The following BACH2 variants were observed in gnomAD, a reference collection of about 807,000 sequenced individuals.
BACH2 encodes the protein BACH transcriptional regulator 2.
A neutral mutation model predicts 61.8 loss-of-function variants in BACH2; 5 were observed. That is an observed-to-expected ratio of 0.08 (90% confidence interval 0.04 to 0.17). BACH2 has a LOEUF of 0.17. Among genes scored for constraint, BACH2 ranks in the 10% least tolerant of loss-of-function variants. BACH2 has a pLI of 1.00. For synonymous variants in BACH2, 446 were observed against 440.1 expected, an observed-to-expected ratio of 1.01 and a Z score of -0.17; for missense variants, 824 against 1,091.1, an observed-to-expected ratio of 0.76 and a Z score of 3.45.
chr6:90,181,501 C>T (rs1329048613), intron 4 of BACH2, among the ~76,000 whole-genome samples: 1 of 151,638 alleles, frequency 6.6e-6, no homozygotes, highest in African/African-American at 2.4e-5. Context: ...AGTGTATATG[C>T]TATTATCACA....
At chr6:90,214,394 A>G (rs1769458742) in intron 3 of BACH2, among the ~76,000 whole-genome samples, 1 of 151,996 alleles carries the variant, frequency 6.6e-6, no homozygotes, top group East Asian at 1.9e-4. Context: ...AGGCAAACAT[A>G]TTTCCTATGA....
chr6:90,067,763 C>T (rs1331559483), intron 5 of BACH2, among the ~76,000 whole-genome samples: 1 of 152,176 alleles, frequency 6.6e-6, no homozygotes, highest in Non-Finnish European at 1.5e-5. Context: ...GTGCACAAGA[C>T]ATGGTTGCTT....
chr6:90,009,105 C>T (rs180757230), intron 5 of BACH2, among the ~76,000 whole-genome samples: 2 of 152,232 alleles, frequency 1.3e-5, no homozygotes, highest in South Asian at 2.1e-4. Flanking sequence ...ATTCTTTTAC[C>T]CCATGGTAAC....
At chr6:90,200,773 C>T (rs1462005331) in intron 4 of BACH2, among the ~76,000 whole-genome samples, 3 of 152,172 alleles carry the variant, frequency 2.0e-5, no homozygotes, top group South Asian at 2.1e-4. Context: ...AATAGCCTTC[C>T]GGTCTTTTTA....
intron 4 of BACH2, among the ~76,000 whole-genome samples, chr6:90,175,446 T>G (rs1767954296): frequency 6.6e-6 from 1 of 152,134 alleles, no homozygotes; most frequent in South Asian, 2.1e-4. Flanking sequence ...AACAATTAAC[T>G]GGTAAGGAAA....
At chr6:90,238,365 G>A (rs928211169) in intron 3 of BACH2, among the ~76,000 whole-genome samples, 3 of 152,150 alleles carry the variant, frequency 2.0e-5, no homozygotes, top group Non-Finnish European at 4.4e-5. Flanking sequence ...TTTCATTTTT[G>A]GAGTTGTGGC....
rs139882678 is a variant in BACH2, at chr6:90,172,103, C to T, written c.-162+34466G>A. On this transcript the variant is annotated intron_variant, in intron 4 of 8. Transcript: ENST00000257749. ...CAGGTGGATCACGAGGTCAGTAGTTCGAGACCAGCCTGACCAAAATGGGCA... is the reference window on the plus strand; with the variant it reads ...CAGGTGGATCACGAGGTCAGTAGTTTGAGACCAGCCTGACCAAAATGGGCA... Among the ~76,000 whole-genome samples the T allele has an allele frequency of 2.5e-3, 374 of 152,082 alleles. 2 individuals are homozygous for T. The highest frequency in any genetic ancestry group is 4.1e-3 in the Non-Finnish European group (278 of 67,966).
At chr6:90,049,714 T>A (rs1381508897) in intron 5 of BACH2, among the ~76,000 whole-genome samples, 1 of 152,166 alleles carries the variant, frequency 6.6e-6, no homozygotes, top group African/African-American at 2.4e-5. Context: ...AGGGACTTGA[T>A]CAAGCAGTAA....
chr6:90,210,149 C>T (rs1290919372), intron 3 of BACH2, among the ~76,000 whole-genome samples: 1 of 151,872 alleles, frequency 6.6e-6, no homozygotes, highest in Non-Finnish European at 1.5e-5. Context: ...GGTAGTTTTC[C>T]TAATTTGGAA....
At chr6:90,183,496 T>C (rs1347850869) in intron 4 of BACH2, among the ~76,000 whole-genome samples, 1 of 152,242 alleles carries the variant, frequency 6.6e-6, no homozygotes, top group African/African-American at 2.4e-5. Context: ...CAAAAAGTTT[T>C]AACAAAAACT....
chr6:89,963,099 A>G (rs968771904), intron 6 of BACH2, among the ~76,000 whole-genome samples: 3 of 152,220 alleles, frequency 2.0e-5, no homozygotes, highest in Admixed American at 2.0e-4. Flanking sequence ...CGTTTCTCCA[A>G]AGACATACAA....
At chr6:90,039,339 TC>T (rs1329095302) in intron 5 of BACH2, among the ~76,000 whole-genome samples, 3 of 152,194 alleles carry the variant, frequency 2.0e-5, no homozygotes, top group South Asian at 2.1e-4. Context: ...TGCCAAATTG[TC>T]CTCCATTGGG....
chr6:90,291,167 G>C (rs1035586796), intron 1 of BACH2, among the ~76,000 whole-genome samples: 8 of 152,264 alleles, frequency 5.3e-5, no homozygotes, highest in African/African-American at 1.9e-4. Context: ...CTGAAGAAAC[G>C]GTGATTATGA....
intron 5 of BACH2, among the ~76,000 whole-genome samples, chr6:90,030,146 G>C (rs376894531): frequency 6.6e-6 from 1 of 152,140 alleles, no homozygotes; most frequent in African/African-American, 2.4e-5. Context: ...GCTTCTAAGA[G>C]ATGGCTCTGA....
intron 4 of BACH2, among the ~76,000 whole-genome samples, chr6:90,138,368 TG>T (rs1392247658): frequency 2.6e-5 from 4 of 152,158 alleles, no homozygotes; most frequent in Admixed American, 6.5e-5. Flanking sequence ...CCATGCGTGG[TG>T]GCGTGTGCCT....
chr6:90,269,811 G>A (rs1771463368), intron 2 of BACH2, among the ~76,000 whole-genome samples: 1 of 152,190 alleles, frequency 6.6e-6, no homozygotes, highest in South Asian at 2.1e-4. Flanking sequence ...GCCCCGGTGA[G>A]TGGGACACAC....
At chr6:90,130,813 T>C (rs1386424568) in intron 4 of BACH2, among the ~76,000 whole-genome samples, 5 of 152,222 alleles carry the variant, frequency 3.3e-5, no homozygotes, top group Non-Finnish European at 5.9e-5. Flanking sequence ...AGGCAAACAA[T>C]CTGGTTAAAA....
chr6:90,104,929 C>G (rs1039754957), intron 4 of BACH2, among the ~76,000 whole-genome samples: 8 of 152,182 alleles, frequency 5.3e-5, no homozygotes, highest in African/African-American at 1.9e-4. Flanking sequence ...ACCGATAATT[C>G]TAAATTTAAA....
intron 4 of BACH2, among the ~76,000 whole-genome samples, chr6:90,143,094 C>T (rs148710488): frequency 1.3e-5 from 2 of 152,128 alleles, no homozygotes; most frequent in African/African-American, 2.4e-5. Context: ...TTATCAAATT[C>T]GTTTCCAGCC....
Sources: allele counts gnomAD v4.1 joint callset (sites outside exome capture counted in the v4.1 genomes callset), GRCh38; gene constraint gnomAD v4.1.1; transcripts MANE v1.5; gene names NCBI Gene and HGNC (gene_info 2026-07-23, HGNC 2026-07-21).